Variants in ST18 observed in about 807,000 individuals in gnomAD.
The protein encoded by ST18 is ST18 C2H2C-type zinc finger transcription factor.
In ST18, 50 loss-of-function variants were observed where a neutral mutation model predicts 110.0. The ratio of observed to expected loss-of-function variants is 0.45; its 90% confidence interval spans 0.36 to 0.58. The LOEUF is 0.58. Ranked by LOEUF, ST18 falls within the 20% of genes least tolerant of loss-of-function variation. The pLI is 0.00. For missense variants in ST18, 1,306 were observed against 1,280.1 expected (o/e 1.02, Z -0.31); for synonymous variants, 461 against 452.4 (o/e 1.02, Z -0.24).
intron 2 of ST18, among the ~76,000 whole-genome samples, chr8:52,367,112 A>T (rs1280141381): frequency 2.0e-5 from 3 of 152,118 alleles, no homozygotes; most frequent in African/African-American, 7.2e-5. Flanking sequence ...CATGCCGGTA[A>T]TCCCAGCAGC....
At chr8:52,295,416 C>T (rs529619759) in intron 2 of ST18, among the ~76,000 whole-genome samples, 4 of 152,100 alleles carry the variant, frequency 2.6e-5, no homozygotes, top group African/African-American at 9.7e-5. Context: ...TTCCCTCTCT[C>T]TCTAAGTAAT....
intron 2 of ST18, among the ~76,000 whole-genome samples, chr8:52,306,833 A>G (rs919620120): frequency 2.0e-5 from 3 of 152,198 alleles, no homozygotes; most frequent in Non-Finnish European, 4.4e-5. Context: ...CTTTGATGGG[A>G]AAGTCCCATT....
intron 2 of ST18, among the ~76,000 whole-genome samples, chr8:52,390,407 AG>A (rs1838900825): frequency 6.6e-6 from 1 of 152,228 alleles, no homozygotes; most frequent in African/African-American, 2.4e-5. Context: ...AAGACAAAAA[AG>A]CAAGGCTTCC....
intron 2 of ST18, among the ~76,000 whole-genome samples, chr8:52,337,108 A>C (rs1028344961): frequency 6.6e-6 from 1 of 152,216 alleles, no homozygotes; most frequent in South Asian, 2.1e-4. Flanking sequence ...ATTTTCAGAA[A>C]TTTCTTTATT....
intron 2 of ST18, among the ~76,000 whole-genome samples, chr8:52,315,644 G>T (rs2096011497): frequency 6.6e-6 from 1 of 152,170 alleles, no homozygotes; most frequent in African/African-American, 2.4e-5. Context: ...TACCTCCTTT[G>T]TTCCTGATAC....
intron 2 of ST18, among the ~76,000 whole-genome samples, chr8:52,365,005 T>C (rs1163805885): frequency 2.6e-5 from 4 of 151,866 alleles, no homozygotes; most frequent in Non-Finnish European, 4.4e-5. Flanking sequence ...TCACAGCTAC[T>C]TGGGAGGCAG....
At chr8:52,356,071 G>A (rs1376341519) in intron 2 of ST18, among the ~76,000 whole-genome samples, 1 of 152,148 alleles carries the variant, frequency 6.6e-6, no homozygotes, top group East Asian at 1.9e-4. Context: ...AAGTTCCCAT[G>A]TACACAAGGA....
At chr8:52,323,678 C>T (rs992022925) in intron 2 of ST18, among the ~76,000 whole-genome samples, 1 of 152,162 alleles carries the variant, frequency 6.6e-6, no homozygotes, top group African/African-American at 2.4e-5. Context: ...AACCCTCTGC[C>T]TCCCATCAGT....
In ST18 at chr8:52,180,234, T is replaced by A; in HGVS notation, c.165A>T (p.Lys55Asn). Residue 55 changes from lysine (K) to asparagine (N), a missense_variant, in exon 9 of 26, where the codon AAA becomes AAT. Coordinates refer to ENST00000689386, the MANE Select transcript of ST18 (RefSeq NM_001352837.2). ...QALGVPVNKR[K>N]SLLMKPRHYS... ...AGTGTCGGGGCTTCATTAGCAGGGA[T>A]TTCCTTTTGTTGACTGGAACCCCCA... 1 of 1,614,194 alleles carries A rather than the reference T, an allele frequency of 6.2e-7. No homozygotes were observed. The highest frequency in any genetic ancestry group is 8.5e-7 in the Non-Finnish European group (1 of 1,180,034).
intron 2 of ST18, chr8:52,408,973 T>A (rs1845483310): frequency 6.6e-6 from 1 of 152,252 alleles, no homozygotes; most frequent in African/African-American, 2.4e-5. Flanking sequence ...TCAGTCCCCG[T>A]GCAAATATAA....
At chr8:52,339,859 C>T (rs1171609118) in intron 2 of ST18, among the ~76,000 whole-genome samples, 1 of 152,214 alleles carries the variant, frequency 6.6e-6, no homozygotes, top group Non-Finnish European at 1.5e-5. Flanking sequence ...TTTAATTGCT[C>T]TTCTCTTCCC....
chr8:52,211,900 G>T (rs752834725), intron 8 of ST18, among the ~76,000 whole-genome samples, 179 bp downstream of exon 8: 1 of 152,058 alleles, frequency 6.6e-6, no homozygotes, highest in Non-Finnish European at 1.5e-5. Flanking sequence ...GTTCAGGATC[G>T]AGTATCAGTA....
chr8:52,381,979 A>G (rs1834736661), intron 2 of ST18, among the ~76,000 whole-genome samples: 1 of 151,854 alleles, frequency 6.6e-6, no homozygotes, highest in East Asian at 1.9e-4. Flanking sequence ...AAAAACAAAA[A>G]AAAACAAAAA....
rs190412638 is a variant in ST18 at position 52,316,453 on chromosome 8, A to G, written c.-464-86376T>C. Among the ~76,000 whole-genome samples the G allele has an allele frequency of 3.1e-3, 470 of 152,318 alleles. 3 individuals are homozygous for G. The highest frequency in any genetic ancestry group is 0.011 in the African/African-American group (450 of 41,586). ...TATAATTTTTGCAAAACTTTTTATA[A>G]TTTGTGTAGAATTTACACTTTTATA... is the stretch of plus-strand genomic sequence containing the variant. On this transcript the variant is annotated intron_variant, in intron 2 of 25. Coordinates refer to ENST00000689386, the MANE Select transcript of ST18 (RefSeq NM_001352837.2).
chr8:52,318,283 A>C (rs949017694), intron 2 of ST18, among the ~76,000 whole-genome samples: 15 of 152,212 alleles, frequency 9.9e-5, no homozygotes, highest in African/African-American at 3.6e-4. Context: ...CATGCACCCA[A>C]CAAACATGAA....
Position 52,179,215 on chromosome 8 carries a change from C to T in ST18, c.277+907G>A, listed in dbSNP as rs186695829. Among the ~76,000 whole-genome samples, 145 of 152,248 alleles carry T rather than the reference C, an allele frequency of 9.5e-4. 1 individual carries two copies. Among genetic ancestry groups the T allele is most frequent in the Middle Eastern group, 3.4e-3 (1 of 294 alleles). ...AGAGTTTTTGCATGTCCCTCAGCTT[C>T]GCCTTATGCACAAAGTGATCAGTGA... On this transcript the variant is annotated intron_variant, in intron 9 of 25. Coordinates refer to ENST00000689386, the MANE Select transcript of ST18 (RefSeq NM_001352837.2).
intron 2 of ST18, among the ~76,000 whole-genome samples, chr8:52,272,515 A>T (rs2095108128): frequency 1.3e-5 from 2 of 152,210 alleles, no homozygotes; most frequent in Admixed American, 6.5e-5. Context: ...AAATAATGAG[A>T]CATCACCTCA....
At chr8:52,339,314 G>T (rs1313527845) in intron 2 of ST18, among the ~76,000 whole-genome samples, 1 of 152,114 alleles carries the variant, frequency 6.6e-6, no homozygotes, top group Non-Finnish European at 1.5e-5. Flanking sequence ...CTCTCCCTCT[G>T]GGCTTCTCTG....
chr8:52,359,267 T>C (rs1187610587), intron 2 of ST18, among the ~76,000 whole-genome samples: 8 of 151,948 alleles, frequency 5.3e-5, no homozygotes, highest in Non-Finnish European at 1.0e-4. Context: ...AGCAACTAAA[T>C]AGAGGTGATA....
Sources: gnomAD v4.1 joint callset for allele counts (sites outside exome capture counted in the v4.1 genomes callset) on GRCh38, gnomAD v4.1.1 for gene constraint, MANE v1.5 for transcripts, NCBI Gene and HGNC (gene_info 2026-07-23, HGNC 2026-07-21) for gene names.